The following ASAP3 variants were observed in gnomAD, a reference collection of about 807,000 sequenced individuals.
The protein encoded by ASAP3 is ArfGAP with SH3 domain, ankyrin repeat and PH domain 3.
In ASAP3, 85 loss-of-function variants were observed where a neutral mutation model predicts 118.2. The ratio of observed to expected loss-of-function variants is 0.72; its 90% confidence interval spans 0.60 to 0.86. The LOEUF (loss-of-function observed/expected upper bound fraction) is 0.86. ASAP3 is among the 40% of genes least tolerant of loss of function. ASAP3 has a pLI of 0.00. For synonymous variants in ASAP3, 432 were observed against 477.4 expected, an observed-to-expected ratio of 0.90 and a Z score of 1.24; for missense variants, 1,026 against 1,175.0, an observed-to-expected ratio of 0.87 and a Z score of 1.85.
At chr1:23,467,173 CATTATTATTATT>C (rs60663868) in intron 1 of ASAP3, among the ~76,000 whole-genome samples, 9 of 148,338 alleles carry the variant, frequency 6.1e-5, no homozygotes, top group African/African-American at 2.0e-4. Flanking sequence ...CCATTACAGC[CATTATTATTATT>C]ATTATTATTA....
chr1:23,431,858 C>T lies in ASAP3; in HGVS notation c.2384G>A (p.Ser795Asn). ...CATCAGACTGGAGGAGGAGGCTGGA[C>T]TGCCCAGGCTCTCAGGGGTCTCAGG... Reference protein sequence around the residue: ...EAPETPESLGSPASSSSLMSP... With the variant: ...EAPETPESLGNPASSSSLMSP... Residue 795 changes from serine (S) to asparagine (N), a missense_variant, in exon 23 of 25, where the codon AGT becomes AAT. By Grantham distance (46) the Ser-to-Asn change is conservative. Transcript: ENST00000336689. 6.3e-7 allele frequency: 1 copy of T among 1,597,920 alleles called. No individual in the cohort carries two copies. The highest frequency in any genetic ancestry group is 8.5e-7 in the Non-Finnish European group (1 of 1,175,234).
rs1570366579 is a variant in ASAP3 at position 23,451,669 on chromosome 1, A to C, written c.424-141T>G. On this transcript the variant is annotated intron_variant, in intron 4 of 24. Transcript: ENST00000336689. ...CCTTCTCTAACCAGCCCCTGCCCCC[A>C]CAGTCCTGCTGCAAACCTGCCCCCA... The C allele has an allele frequency of 3.4e-6, 3 of 894,798 alleles. No individual in the cohort carries two copies. In the East Asian group the frequency reaches 7.6e-5, roughly 23 times the overall value. 55.4% of individuals were successfully genotyped at this position (894,798 alleles called of 1,614,324 possible).
chr1:23,434,705 C>A, intron 17 of ASAP3, 87 bp from the exon 18 acceptor site: 2 of 1,297,232 alleles, frequency 1.5e-6, no homozygotes, highest in East Asian at 2.5e-5. Flanking sequence ...TTGCTAACCC[C>A]TTATCCCCCC....
chr1:23,438,595 A>T lies in ASAP3; in HGVS notation c.1102+152T>A. ...ATTTAATGTGATGTGGGTATCCTAGACCTAAGGATTCTTATGTCTGCAGTA... is the reference window on the plus strand; with the variant it reads ...ATTTAATGTGATGTGGGTATCCTAGTCCTAAGGATTCTTATGTCTGCAGTA... On this transcript the variant is annotated intron_variant, in intron 12 of 24. Coordinates refer to ENST00000336689, the MANE Select transcript of ASAP3 (RefSeq NM_017707.4). This position sits in a 1 kb window ranked among gnomAD's most constrained non-coding sequence, Gnocchi z 4.9. The T allele has an allele frequency of 1.6e-6, 1 of 630,500 alleles. No homozygotes were observed. 39.1% of individuals were successfully genotyped at this position (630,500 alleles called of 1,614,324 possible). A position where few individuals can be genotyped will look rare whatever the true frequency, so the allele number is the denominator to read the frequency against.
In ASAP3 at chr1:23,439,238, C is replaced by T. The variant is rs757389921; in HGVS notation, c.945-8G>A. ...TGCCAGACTCTTCGAATTCTAAAGC[C>T]CAGAGGGATAGAAGGACAGTGACCC... On this transcript the variant is annotated splice_region_variant and splice_polypyrimidine_tract_variant and intron_variant, in intron 10 of 24. Transcript: ENST00000336689. The T allele has an allele frequency of 1.2e-6, 2 of 1,613,742 alleles. No homozygotes were observed. Among genetic ancestry groups the T allele is most frequent in the South Asian group, 1.1e-5 (1 of 91,034 alleles).
At position 23,433,259 on chromosome 1, in the gene ASAP3, T is replaced by G. The variant is rs1447445605; in HGVS notation, c.2141A>C (p.Lys714Thr). 6.2e-7 allele frequency: 1 copy of G among 1,607,742 alleles called. No individual in the cohort carries two copies. The highest frequency in any genetic ancestry group is 1.3e-5 in the African/African-American group (1 of 74,556). The change falls in exon 22 of 25, where the codon AAG (lysine) becomes ACG (threonine). Residue 714 changes from lysine to threonine, a missense_variant. Coordinates refer to ENST00000336689, the MANE Select transcript of ASAP3 (RefSeq NM_017707.4). Reference sequence around the variant, plus strand: ...GGCCCAGTGAGCCTGGGCCGGGAGCTTCAGCAAGCAGCGCTGCCAGAGCAA... The same window carrying G: ...GGCCCAGTGAGCCTGGGCCGGGAGCGTCAGCAAGCAGCGCTGCCAGAGCAA... ...EDEEEKRCLL[K>T]LPAQAHWASG...
At chr1:23,444,963 C>CT (rs555108300) in intron 5 of ASAP3, among the ~76,000 whole-genome samples, 82,998 of 137,192 alleles carry the variant, frequency 0.6, 28,991 homozygotes, top group Non-Finnish European at 0.78. Flanking sequence ...GCTCTGTAGG[C>CT]TTTTTTTTTT....
At chr1:23,478,362 G>A (rs1270381498) in intron 1 of ASAP3, among the ~76,000 whole-genome samples, 3 of 152,060 alleles carry the variant, frequency 2.0e-5, no homozygotes, top group Admixed American at 6.5e-5. Context: ...CTACTCGGGA[G>A]GCTGAGGCAG....
At chr1:23,450,852 A>G (rs556618937) in intron 5 of ASAP3, among the ~76,000 whole-genome samples, 1 of 152,344 alleles carries the variant, frequency 6.6e-6, no homozygotes, top group Admixed American at 6.5e-5. Context: ...CAGACTCCTC[A>G]TAAGACAGAG....
intron 1 of ASAP3, among the ~76,000 whole-genome samples, chr1:23,464,122 C>T (rs1160556462): frequency 6.6e-6 from 1 of 151,782 alleles, no homozygotes; most frequent in Non-Finnish European, 1.5e-5. Flanking sequence ...ATCGCTTGAG[C>T]CCAGGAGTTC....
chr1:23,446,144 A>G (rs1641040642), intron 5 of ASAP3, among the ~76,000 whole-genome samples: 1 of 152,166 alleles, frequency 6.6e-6, no homozygotes, highest in South Asian at 2.1e-4. Flanking sequence ...ATAATGAGGG[A>G]TGACTGTACT....
chr1:23,454,185 ATTTT>A (rs66675239), intron 3 of ASAP3, among the ~76,000 whole-genome samples: 3 of 100,070 alleles, frequency 3.0e-5, no homozygotes, highest in Non-Finnish European at 4.2e-5. Flanking sequence ...CACACCTGGC[ATTTT>A]TTTTTTTTTT....
Position 23,437,119 on chromosome 1 carries a change from CG to C in ASAP3, c.1342+10del, listed in dbSNP as rs1485173210. On this transcript the variant is annotated intron_variant, in intron 14 of 24. Coordinates refer to ENST00000336689, the MANE Select transcript of ASAP3 (RefSeq NM_017707.4). This position sits in a 1 kb window ranked among gnomAD's most constrained non-coding sequence, Gnocchi z 6.1. ...TTAAGCCTCCCTCCTGCCCCGGCCCCGGGGACCGACCTGCAGCCCCGCAGTC... is the reference window on the plus strand; with the variant it reads ...TTAAGCCTCCCTCCTGCCCCGGCCCCGGGACCGACCTGCAGCCCCGCAGTC... The C allele has an allele frequency of 1.2e-6, 2 of 1,601,378 alleles. No homozygotes were observed. The highest frequency in any genetic ancestry group is 1.7e-6 in the Non-Finnish European group (2 of 1,173,572).
Position 23,437,604 on chromosome 1 carries a change from G to T in ASAP3, c.1103-132C>A. On this transcript the variant is annotated intron_variant, in intron 12 of 24. Transcript: ENST00000336689. This position sits in a 1 kb window ranked among gnomAD's most constrained non-coding sequence, Gnocchi z 6.1. Reference sequence around the variant, plus strand: ...GACAAGTCGGACTCTCAAGCTAGGAGTGGGAAGGGAGTGGAATGACAGTGG... The same window carrying T: ...GACAAGTCGGACTCTCAAGCTAGGATTGGGAAGGGAGTGGAATGACAGTGG... 2 of 1,132,534 alleles carry T rather than the reference G, an allele frequency of 1.8e-6. No individual in the cohort carries two copies. Among genetic ancestry groups the T allele is most frequent in the Admixed American group, 2.4e-5 (1 of 40,952 alleles). 70.2% of individuals were successfully genotyped at this position (1,132,534 alleles called of 1,614,324 possible).
At chr1:23,442,906 C>A (rs1391195324) in intron 5 of ASAP3, among the ~76,000 whole-genome samples, 2 of 152,138 alleles carry the variant, frequency 1.3e-5, no homozygotes, top group Non-Finnish European at 2.9e-5. Flanking sequence ...GCCTGAGAAG[C>A]TTGGAGGAAG....
Position 23,437,299 on chromosome 1 carries a change from G to C in ASAP3, c.1173C>G (p.Asn391Lys). Residue 391 changes from asparagine (N) to lysine (K), a missense_variant, in exon 14 of 25, where the codon AAC becomes AAG. By Grantham distance (94) the Asn-to-Lys change is moderately conservative. Transcript: ENST00000336689. The surrounding 1 kb of genome is among the most constrained non-coding windows in gnomAD (Gnocchi z 6.1). ...ECEAWVSVLQ[N>K]SKDEALSSAF... ...CGCTGCTCAGGGCTTCGTCCTTGCTGTTCTGCAACACTGACACCCACCTGC... is the reference window on the plus strand; with the variant it reads ...CGCTGCTCAGGGCTTCGTCCTTGCTCTTCTGCAACACTGACACCCACCTGC... 1.2e-6 allele frequency: 2 copies of C among 1,609,900 alleles called. No individual in the cohort carries two copies. The highest frequency in any genetic ancestry group is 1.1e-5 in the South Asian group (1 of 90,560).
At chr1:23,446,692 C>A (rs990570255) in intron 5 of ASAP3, among the ~76,000 whole-genome samples, 6 of 152,132 alleles carry the variant, frequency 3.9e-5, no homozygotes. Context: ...CCTGCCTCGG[C>A]CTCCCAAAGT....
chr1:23,467,008 C>T (rs1641791754), intron 1 of ASAP3, among the ~76,000 whole-genome samples: 1 of 152,160 alleles, frequency 6.6e-6, no homozygotes, highest in Non-Finnish European at 1.5e-5. Flanking sequence ...GCTGGGATTA[C>T]AGGCATGCGC....
intron 5 of ASAP3, among the ~76,000 whole-genome samples, chr1:23,448,613 T>G (rs1390613095): frequency 1.3e-5 from 2 of 151,376 alleles, no homozygotes; most frequent in African/African-American, 4.8e-5. Flanking sequence ...TGTATTATAT[T>G]TATTATATAT....
Sources: gnomAD v4.1 joint callset for allele counts (sites outside exome capture counted in the v4.1 genomes callset) on GRCh38, gnomAD v4.1.1 for gene constraint, Gnocchi (gnomAD v3.1) non-coding constraint, MANE v1.5 for transcripts, NCBI Gene and HGNC (gene_info 2026-07-23, HGNC 2026-07-21) for gene names.